CHLSN: variants seen among roughly 807,000 people sequenced by gnomAD.
CHLSN encodes the protein protein cholesin.
At chr7:1,098,973 G>A in the CHLSN span, among the ~76,000 whole-genome samples, 24 of 152,260 alleles carry the variant, frequency 1.6e-4, no homozygotes, top group Admixed American at 1.3e-4. Context: ...GTGGATTTCT[G>A]CTATGTAAAT....
At chr7:1,078,400 C>T in the CHLSN span, among the ~76,000 whole-genome samples, 3 of 152,008 alleles carry the variant, frequency 2.0e-5, no homozygotes, top group Non-Finnish European at 2.9e-5. Context: ...CGAAGGCCTG[C>T]GAAGGGGGCC....
At chr7:1,010,065 G>C in the CHLSN span, 5 of 1,612,506 alleles carry the variant, frequency 3.1e-6, no homozygotes, top group African/African-American at 5.3e-5. Flanking sequence ...TCCTTTTTCA[G>C]CTTCCTTTCC....
chr7:1,028,161 G>C, the CHLSN span: 3 of 862,772 alleles, frequency 3.5e-6, no homozygotes, highest in Non-Finnish European at 4.2e-6. Context: ...GGCCTCCCAC[G>C]GGAGCGCCCA....
At chr7:981,697 A>G in the CHLSN span, among the ~76,000 whole-genome samples, 2 of 152,050 alleles carry the variant, frequency 1.3e-5, no homozygotes, top group East Asian at 3.9e-4. Context: ...CTGGCAACAG[A>G]GTGAGATTCC....
the CHLSN span, among the ~76,000 whole-genome samples, chr7:1,132,020 T>G: frequency 6.6e-6 from 1 of 152,200 alleles, no homozygotes; most frequent in Non-Finnish European, 1.5e-5. Flanking sequence ...AAGAATGGAT[T>G]TGGAGCCCTA....
the CHLSN span, among the ~76,000 whole-genome samples, chr7:1,086,550 C>T: frequency 2.0e-5 from 3 of 152,234 alleles, no homozygotes; most frequent in Non-Finnish European, 4.4e-5. Flanking sequence ...CTAAAATACA[C>T]ATCTGAAAGA....
chr7:1,115,744 G>A, the CHLSN span, among the ~76,000 whole-genome samples: 22 of 99,644 alleles, frequency 2.2e-4, 6 homozygotes, highest in Non-Finnish European at 3.6e-4. Context: ...CGACGCCCAC[G>A]CAGGATGATG....
chr7:1,111,486 T>C, the CHLSN span, among the ~76,000 whole-genome samples: 1 of 152,246 alleles, frequency 6.6e-6, no homozygotes, highest in African/African-American at 2.4e-5. Flanking sequence ...AAGGGCCTGC[T>C]GTTTGTCGTT....
chr7:986,588 G>A, the CHLSN span: 2 of 1,609,470 alleles, frequency 1.2e-6, no homozygotes, highest in East Asian at 4.5e-5. Flanking sequence ...CCCTGGGGCT[G>A]CGTCCTTATC....
the CHLSN span, among the ~76,000 whole-genome samples, chr7:1,108,312 C>A: frequency 6.6e-6 from 1 of 150,642 alleles, no homozygotes; most frequent in African/African-American, 2.4e-5. Flanking sequence ...GTGTCCCACA[C>A]TGGAGTCCCG....
the CHLSN span, among the ~76,000 whole-genome samples, chr7:1,082,679 G>A: frequency 6.6e-6 from 1 of 152,186 alleles, no homozygotes; most frequent in South Asian, 2.1e-4. Context: ...AGCCCCTGGG[G>A]GGCAGGGCAG....
chr7:980,459 T>C, the CHLSN span, among the ~76,000 whole-genome samples: 1 of 152,236 alleles, frequency 6.6e-6, no homozygotes, highest in Non-Finnish European at 1.5e-5. Flanking sequence ...CAACAATGCC[T>C]TGGCTCAGCC....
chr7:1,008,893 T>TGCACACAC, the CHLSN span, among the ~76,000 whole-genome samples: 1 of 75,314 alleles, frequency 1.3e-5, no homozygotes, highest in Non-Finnish European at 2.5e-5. Context: ...CGTATACACA[T>TGCACACAC]GCACACACGT....
At chr7:1,136,278 A>C in the CHLSN span, among the ~76,000 whole-genome samples, 1 of 113,630 alleles carries the variant, frequency 8.8e-6, no homozygotes, top group African/African-American at 3.7e-5. Context: ...AATATATAAA[A>C]TATATATAAA....
At chr7:1,112,866 C>T in the CHLSN span, among the ~76,000 whole-genome samples, 1 of 152,170 alleles carries the variant, frequency 6.6e-6, no homozygotes, top group African/African-American at 2.4e-5. Flanking sequence ...CCATGCAACC[C>T]GGCAGCCACG....
At chr7:1,001,783 G>A in the CHLSN span, among the ~76,000 whole-genome samples, 1 of 128,294 alleles carries the variant, frequency 7.8e-6, no homozygotes. Flanking sequence ...GTGGAGTCCT[G>A]TGGGTGGGGA....
At chr7:1,124,038 G>A in the CHLSN span, among the ~76,000 whole-genome samples, 1 of 152,212 alleles carries the variant, frequency 6.6e-6, no homozygotes, top group Non-Finnish European at 1.5e-5. Context: ...TGACTCTGCC[G>A]GCAGCTGCGT....
chr7:1,016,051 A>ACACAGCAGCACACGCCAGCG, the CHLSN span, among the ~76,000 whole-genome samples: 7 of 143,122 alleles, frequency 4.9e-5, 1 homozygote, highest in South Asian at 6.5e-4. Flanking sequence ...TCACGCCAGC[A>ACACAGCAGCACACGCCAGCG]CACAGCAGCA....
the CHLSN span, among the ~76,000 whole-genome samples, chr7:1,016,487 A>AG: frequency 3.4e-3 from 479 of 142,024 alleles, 17 homozygotes; most frequent in African/African-American, 0.012. Flanking sequence ...ACAGCAGCAC[A>AG]CAGCAGCGCA....
Sources: allele counts gnomAD v4.1 joint callset (sites outside exome capture counted in the v4.1 genomes callset), GRCh38; gene constraint gnomAD v4.1.1; transcripts MANE v1.5; gene names NCBI Gene and HGNC (gene_info 2026-07-23, HGNC 2026-07-21).